ARRB1: variants seen among roughly 807,000 people sequenced by gnomAD.
The protein encoded by ARRB1 is beta-arrestin-1.
ARRB1 carries 21 observed loss-of-function variants against 56.8 expected under a neutral mutation model. That is an observed-to-expected ratio of 0.37 (90% CI 0.26 to 0.53). ARRB1 has a LOEUF of 0.53. ARRB1 is among the 20% of genes least tolerant of loss of function. The pLI, the probability that ARRB1 is intolerant of heterozygous loss-of-function variation, is 0.88. For synonymous variants in ARRB1, 210 were observed against 218.6 expected (o/e 0.96, Z 0.35); for missense variants, 424 against 553.7 (o/e 0.77, Z 2.35).
intron 1 of ARRB1, among the ~76,000 whole-genome samples, chr11:75,326,819 C>A (rs1341819217): frequency 6.6e-6 from 1 of 151,218 alleles, no homozygotes; most frequent in African/African-American, 2.4e-5. Context: ...AACCTCCTAC[C>A]TCAGCCTCTC....
chr11:75,284,211 C>A (rs750500054), intron 4 of ARRB1, 24 bp downstream of exon 4: 1 of 1,597,278 alleles, frequency 6.3e-7, no homozygotes. Flanking sequence ...CCTTGACAGG[C>A]TGGGGATGGG....
chr11:75,293,408 C>T (rs1946653421), intron 1 of ARRB1, among the ~76,000 whole-genome samples: 1 of 152,180 alleles, frequency 6.6e-6, no homozygotes, highest in Admixed American at 6.6e-5. Context: ...CCTCTGACTT[C>T]CTGACCCTAA....
At chr11:75,337,417 C>G (rs1272955108) in intron 1 of ARRB1, among the ~76,000 whole-genome samples, 7 of 152,186 alleles carry the variant, frequency 4.6e-5, no homozygotes, top group Admixed American at 4.6e-4. Flanking sequence ...TCCTTCAGCA[C>G]GAGGACCAGG....
At chr11:75,272,793 A>G in intron 12 of ARRB1, 102 bp downstream of exon 12, 1 of 1,120,620 alleles carries the variant, frequency 8.9e-7, no homozygotes, top group Admixed American at 1.9e-5. Flanking sequence ...AGGTGGATGC[A>G]GCTAAAAGGG....
At chr11:75,298,971 A>T (rs1946830171) in intron 1 of ARRB1, among the ~76,000 whole-genome samples, 1 of 151,598 alleles carries the variant, frequency 6.6e-6, no homozygotes, top group African/African-American at 2.4e-5. Flanking sequence ...TTCTGTTAAC[A>T]GAAGGCTGCA....
chr11:75,275,157 A>ATTTTATTTTAT (rs761453235), intron 10 of ARRB1, among the ~76,000 whole-genome samples: 1 of 150,626 alleles, frequency 6.6e-6, no homozygotes, highest in Non-Finnish European at 1.5e-5. Flanking sequence ...ATTTTATTTT[A>ATTTTATTTTAT]TTTTTTTGAG....
At chr11:75,318,673 G>A (rs1947301167) in intron 1 of ARRB1, among the ~76,000 whole-genome samples, 1 of 151,934 alleles carries the variant, frequency 6.6e-6, no homozygotes, top group Non-Finnish European at 1.5e-5. Flanking sequence ...CTGGGCAACA[G>A]AGTGAGACTC....
intron 1 of ARRB1, among the ~76,000 whole-genome samples, chr11:75,342,101 C>T (rs1179434915): frequency 6.6e-6 from 1 of 152,236 alleles, no homozygotes; most frequent in Non-Finnish European, 1.5e-5. Context: ...TATGGCAGCA[C>T]AGGGACAGTG....
intron 1 of ARRB1, among the ~76,000 whole-genome samples, chr11:75,336,801 C>T (rs1262219092): frequency 6.6e-6 from 1 of 152,204 alleles, no homozygotes; most frequent in Non-Finnish European, 1.5e-5. Flanking sequence ...CAGCCCCTCA[C>T]ACACATGATC....
intron 1 of ARRB1, among the ~76,000 whole-genome samples, chr11:75,341,437 C>T (rs889412035): frequency 9.2e-5 from 14 of 152,124 alleles, no homozygotes; most frequent in African/African-American, 3.4e-4. Flanking sequence ...CATGCCTGGC[C>T]GACAATGGCT....
chr11:75,351,480 C>T (rs1369958939), intron 1 of ARRB1, 108 bp downstream of exon 1: 4 of 1,455,820 alleles, frequency 2.7e-6, no homozygotes, highest in Non-Finnish European at 3.6e-6. Context: ...GGTACTAGAT[C>T]CCGCGGTGGC....
At position 75,318,294 on chromosome 11, in the gene ARRB1, A is replaced by G. The variant is rs73490789; in HGVS notation, c.21-28255T>C. ...TCCTCCAGCTTCAGCCTCCTGAGTA[A>G]CTGAGACTACAGGAACATGCCTGGC... On this transcript the variant is annotated intron_variant, in intron 1 of 15. Transcript: ENST00000420843. Among the ~76,000 whole-genome samples, 1,281 of 151,960 alleles carry G rather than the reference A, an allele frequency of 8.4e-3. 11 individuals are homozygous for G. The highest frequency in any genetic ancestry group is 0.03 in the African/African-American group (1,231 of 41,426).
intron 1 of ARRB1, among the ~76,000 whole-genome samples, chr11:75,320,888 G>A (rs542959688): frequency 6.6e-6 from 1 of 152,270 alleles, no homozygotes; most frequent in South Asian, 2.1e-4. Flanking sequence ...AAGCCTTCAT[G>A]GGGGCCTTTT....
chr11:75,284,300 A>G (rs750986804), intron 3 of ARRB1, 21 bp from the exon 4 acceptor site: 1 of 1,603,022 alleles, frequency 6.2e-7, no homozygotes, highest in East Asian at 2.2e-5. Context: ...GACAGAGAGT[A>G]AGCGGCCTCT....
Position 75,266,282 on chromosome 11 carries a change from G to A in ARRB1, c.1146-8C>T, listed in dbSNP as rs201405515. On this transcript the variant is annotated splice_region_variant and splice_polypyrimidine_tract_variant and intron_variant, in intron 15 of 15. Coordinates refer to ENST00000420843, the MANE Select transcript of ARRB1 (RefSeq NM_004041.5). ...AATACAATGTCGTCATCACTGGTGGGAGAGACAAGGAAAATGTGGTGTGTT... is the reference window on the plus strand; with the variant it reads ...AATACAATGTCGTCATCACTGGTGGAAGAGACAAGGAAAATGTGGTGTGTT... 2.7e-4 allele frequency: 435 copies of A among 1,610,004 alleles called. 2 individuals are homozygous for A. Among genetic ancestry groups the A allele is most frequent in the Non-Finnish European group, 4.6e-5 (54 of 1,176,182 alleles).
chr11:75,349,340 TG>T (rs1565151001), intron 1 of ARRB1, among the ~76,000 whole-genome samples: 1 of 152,150 alleles, frequency 6.6e-6, no homozygotes, highest in Admixed American at 6.5e-5. Flanking sequence ...AGTTTACAGA[TG>T]GGAAACTAAC....
At chr11:75,282,885 TG>T (rs911628080) in intron 5 of ARRB1, among the ~76,000 whole-genome samples, 1 of 152,224 alleles carries the variant, frequency 6.6e-6, no homozygotes, top group Non-Finnish European at 1.5e-5. Flanking sequence ...TGAAAGGTGG[TG>T]GGGCAGACAG....
intron 3 of ARRB1, among the ~76,000 whole-genome samples, chr11:75,284,893 ACT>A (rs1946435584): frequency 8.4e-6 from 1 of 118,906 alleles, no homozygotes; most frequent in Non-Finnish European, 1.7e-5. Context: ...ACAGAGCGAG[ACT>A]CTGTCTCAAA....
At chr11:75,348,413 G>T (rs1043996056) in intron 1 of ARRB1, among the ~76,000 whole-genome samples, 3 of 152,032 alleles carry the variant, frequency 2.0e-5, no homozygotes, top group Non-Finnish European at 4.4e-5. Context: ...GTCATCCTGC[G>T]TTATGACCAC....
Sources: gnomAD v4.1 joint callset for allele counts (sites outside exome capture counted in the v4.1 genomes callset) on GRCh38, gnomAD v4.1.1 for gene constraint, MANE v1.5 for transcripts, NCBI Gene and HGNC (gene_info 2026-07-23, HGNC 2026-07-21) for gene names.